The following UGT2B10 variants were observed in gnomAD, a reference collection of about 807,000 sequenced individuals.
UGT2B10 encodes the protein UDP-glucuronosyltransferase 2B10.
Under a neutral mutation model 43.7 loss-of-function variants are expected in UGT2B10, and 51 were observed. The ratio of observed to expected loss-of-function variants is 1.17; its 90% CI spans 0.93 to 1.47. The LOEUF is 1.47. UGT2B10 is among the 40% of genes most tolerant of loss of function. The pLI, the probability that UGT2B10 is intolerant of heterozygous loss-of-function variation, is 0.00. For synonymous variants in UGT2B10, 225 were observed against 209.0 expected, an observed-to-expected ratio of 1.08 and a Z score of -0.66; for missense variants, 696 against 617.7, an observed-to-expected ratio of 1.13 and a Z score of -1.34.
At chr4:68,820,405 T>C (rs552270166) in intron 2 of UGT2B10, among the ~76,000 whole-genome samples, 2 of 152,112 alleles carry the variant, frequency 1.3e-5, no homozygotes, top group South Asian at 4.1e-4. Flanking sequence ...TACATATTGT[T>C]ATTAGTTTTA....
intron 5 of UGT2B10, 135 bp downstream of exon 5, chr4:68,827,683 CT>C (rs1737868440): frequency 7.1e-7 from 1 of 1,404,558 alleles, no homozygotes; most frequent in African/African-American, 1.5e-5. Flanking sequence ...CCGAAATCTG[CT>C]TTTACTTTTT....
intron 1 of UGT2B10, 58 bp downstream of exon 1, chr4:68,816,795 C>A: frequency 7.2e-7 from 1 of 1,381,772 alleles, no homozygotes; most frequent in Non-Finnish European, 9.8e-7. Context: ...CTTTGAAGCA[C>A]AACTTGCATA....
In UGT2B10 at chr4:68,831,078, G is replaced by T. The variant is rs1032641982; in HGVS notation, c.*199G>T. 8.7e-5 allele frequency: 58 copies of T among 663,930 alleles called. No homozygotes were observed. The African/African-American group carries it at 9.7e-4, about 11-fold the overall frequency. 41.1% of individuals were successfully genotyped at this position (663,930 alleles called of 1,614,324 possible). On this transcript the variant is annotated 3_prime_UTR_variant, in exon 6 of 6. Transcript: ENST00000265403. Reference sequence around the variant, plus strand: ...GTTAGAAATATTCTGTGGCAATGAAGAAAACACTAGGGGAAATAAAAAATA... The same window carrying T: ...GTTAGAAATATTCTGTGGCAATGAATAAAACACTAGGGGAAATAAAAAATA...
rs774934322 is a variant in UGT2B10 at position 68,816,066 on chromosome 4, A to G, written c.47A>G (p.Tyr16Cys). The G allele has an allele frequency of 4.0e-5, 64 of 1,612,878 alleles. No individual in the cohort carries two copies. The highest frequency in any genetic ancestry group is 5.3e-5 in the Non-Finnish European group (63 of 1,179,280). ...GTTCTGCTGATACAACTCAGTTTTT[A>G]CTTTAGCTCTGGGAGTTGTGGAAAG... is the stretch of plus-strand genomic sequence containing the variant. ...TTVLLIQLSF[Y>C]FSSGSCGKVL... is the part of the protein sequence containing the mutation. Residue 16 changes from tyrosine to cysteine, a missense_variant, in exon 1 of 6, where the codon TAC becomes TGC. Physicochemically the swap from Tyr to Cys is radical, Grantham distance 194. Coordinates refer to ENST00000265403, the MANE Select transcript of UGT2B10 (RefSeq NM_001075.6).
intron 3 of UGT2B10, among the ~76,000 whole-genome samples, chr4:68,823,168 G>A (rs1223448077): frequency 6.6e-6 from 1 of 152,146 alleles, no homozygotes; most frequent in African/African-American, 2.4e-5. Context: ...GGCATATGTG[G>A]AGAGTAGGGG....
At chr4:68,829,432 G>A (rs1430804120) in intron 5 of UGT2B10, among the ~76,000 whole-genome samples, 1 of 152,016 alleles carries the variant, frequency 6.6e-6, no homozygotes, top group African/African-American at 2.4e-5. Context: ...TAATGTTCAA[G>A]ATGATCTTCC....
intron 5 of UGT2B10, among the ~76,000 whole-genome samples, chr4:68,827,898 A>G (rs1737881667): frequency 6.6e-6 from 1 of 151,428 alleles, no homozygotes; most frequent in Non-Finnish European, 1.5e-5. Context: ...TTAAATATCT[A>G]AAATGTCTCA....
chr4:68,822,932 C>T lies in UGT2B10; in HGVS notation c.999+530C>T, dbSNP rs558680531. Among the ~76,000 whole-genome samples the T allele has an allele frequency of 5.9e-5, 9 of 152,268 alleles. No homozygotes were observed. In the South Asian group the frequency reaches 1.9e-3, roughly 32 times the overall value. On this transcript the variant is annotated intron_variant, in intron 3 of 5. Coordinates refer to ENST00000265403, the MANE Select transcript of UGT2B10 (RefSeq NM_001075.6). ...CAATGGGTGAAGAACACTTGACTAA[C>T]TCTTGGGCCACCTCTATTACTTATT...
chr4:68,818,019 T>C lies in UGT2B10; in HGVS notation c.719-10T>C. The C allele has an allele frequency of 2.5e-6, 4 of 1,601,264 alleles. No homozygotes were observed. The highest frequency in any genetic ancestry group is 3.4e-6 in the Non-Finnish European group (4 of 1,176,192). On this transcript the variant is annotated splice_polypyrimidine_tract_variant and intron_variant, in intron 1 of 5. Transcript: ENST00000265403. ...TGTCATCCACTTCTTCTTTTCTTTATTCCTATCAGGAAGACCCACTACATT... is the reference window on the plus strand; with the variant it reads ...TGTCATCCACTTCTTCTTTTCTTTACTCCTATCAGGAAGACCCACTACATT...
intron 3 of UGT2B10, among the ~76,000 whole-genome samples, chr4:68,823,165 G>C (rs1212764597): frequency 6.6e-6 from 1 of 152,140 alleles, no homozygotes; most frequent in African/African-American, 2.4e-5. Flanking sequence ...ACTGGCATAT[G>C]TGGAGAGTAG....
intron 3 of UGT2B10, among the ~76,000 whole-genome samples, chr4:68,825,714 C>T (rs1311367818): frequency 6.6e-6 from 1 of 151,746 alleles, no homozygotes; most frequent in Non-Finnish European, 1.5e-5. Flanking sequence ...GTATATATAC[C>T]ATATTTTCTT....
chr4:68,821,401 A>C (rs548971615), intron 2 of UGT2B10, among the ~76,000 whole-genome samples: 10 of 152,278 alleles, frequency 6.6e-5, no homozygotes, highest in Admixed American at 3.9e-4. Context: ...ATTCTGGTGC[A>C]AGTGCTGCCT....
chr4:68,823,774 T>TTAG (rs1737633438), intron 3 of UGT2B10, among the ~76,000 whole-genome samples: 1 of 152,134 alleles, frequency 6.6e-6, no homozygotes, highest in African/African-American at 2.4e-5. Flanking sequence ...ATCTCAGATA[T>TTAG]TAGTTCAAAA....
At chr4:68,826,594 G>A (rs1483814075) in intron 4 of UGT2B10, 97 bp downstream of exon 4, 15 of 1,392,124 alleles carry the variant, frequency 1.1e-5, no homozygotes, top group Admixed American at 2.5e-5. Flanking sequence ...TTTGTTATAG[G>A]AAAACAAAAA....
At chr4:68,829,744 C>G (rs1737991088) in intron 5 of UGT2B10, among the ~76,000 whole-genome samples, 1 of 151,922 alleles carries the variant, frequency 6.6e-6, no homozygotes. Flanking sequence ...GATGAGAACA[C>G]CTTTGGAAGC....
chr4:68,830,012 G>A (rs1738008633), intron 5 of UGT2B10, among the ~76,000 whole-genome samples: 1 of 152,000 alleles, frequency 6.6e-6, no homozygotes, highest in Non-Finnish European at 1.5e-5. Context: ...CAAGTGACTA[G>A]CTATGAGGCA....
chr4:68,817,209 C>T (rs967772898), intron 1 of UGT2B10, among the ~76,000 whole-genome samples: 17 of 151,702 alleles, frequency 1.1e-4, no homozygotes, highest in Non-Finnish European at 2.4e-4. Context: ...AGGTTGTCTT[C>T]ACAGTAGAGA....
intron 4 of UGT2B10, 58 bp downstream of exon 4, chr4:68,826,555 A>T: frequency 6.5e-7 from 1 of 1,535,624 alleles, no homozygotes; most frequent in Middle Eastern, 1.7e-4. Context: ...GAGTGTTAAT[A>T]GTTCATCTCG....
chr4:68,824,839 G>A (rs1737689329), intron 3 of UGT2B10, among the ~76,000 whole-genome samples: 1 of 152,018 alleles, frequency 6.6e-6, no homozygotes, highest in Non-Finnish European at 1.5e-5. Context: ...ACAATTTTGA[G>A]GTTATTCAAA....
Sources: allele counts gnomAD v4.1 joint callset (sites outside exome capture counted in the v4.1 genomes callset), GRCh38; gene constraint gnomAD v4.1.1; transcripts MANE v1.5; gene names NCBI Gene and HGNC (gene_info 2026-07-23, HGNC 2026-07-21).